Variants in GNPTAB observed in about 807,000 individuals in gnomAD.
GNPTAB encodes the protein N-acetylglucosamine-1-phosphotransferase subunits alpha/beta.
Under a neutral mutation model 136.6 loss-of-function variants are expected in GNPTAB, and 92 were observed. The ratio of observed to expected loss-of-function variants is 0.67; its 90% CI spans 0.57 to 0.80. The LOEUF (loss-of-function observed/expected upper bound fraction) is 0.80. Among genes scored for constraint, GNPTAB ranks in the 30% least tolerant of loss-of-function variants. The pLI, the probability that GNPTAB is intolerant of heterozygous loss-of-function variation, is 0.00. For missense variants in GNPTAB, 1,343 were observed against 1,501.8 expected, an observed-to-expected ratio of 0.89 and a Z score of 1.75; for synonymous variants, 512 against 535.1, an observed-to-expected ratio of 0.96 and a Z score of 0.60.
Position 101,786,047 on chromosome 12 carries a change from T to C in GNPTAB, c.536A>G (p.Asn179Ser). Residue 179 changes from asparagine (N) to serine (S), a missense_variant, in exon 5 of 21, where the codon AAT becomes AGT. Coordinates refer to ENST00000299314, the MANE Select transcript of GNPTAB (RefSeq NM_024312.5). Reference protein sequence around the residue: ...NVAKPKNPSTNVSVVVFDSTK... With the variant: ...NVAKPKNPSTSVSVVVFDSTK... ...ACTGTCAAAAACAACAACTGAGACATTGGTAGAAGGGTTTTTTGGTTTTGC... is the reference window on the plus strand; with the variant it reads ...ACTGTCAAAAACAACAACTGAGACACTGGTAGAAGGGTTTTTTGGTTTTGC... 3 of 1,613,824 alleles carry C rather than the reference T, an allele frequency of 1.9e-6. No homozygotes were observed. Among genetic ancestry groups the C allele is most frequent in the Non-Finnish European group, 1.7e-6 (2 of 1,179,742 alleles).
intron 9 of GNPTAB, 28 bp downstream of exon 9, chr12:101,770,378 G>A (rs762293414): frequency 2.0e-6 from 3 of 1,534,192 alleles, no homozygotes; most frequent in Non-Finnish European, 2.7e-6. Context: ...AGAAATCACA[G>A]TCTTGTAATT....
Position 101,753,471 on chromosome 12 carries a change from A to C in GNPTAB, c.3503T>G (p.Leu1168Arg). The C allele has an allele frequency of 3.7e-6, 6 of 1,612,116 alleles. No homozygotes were observed. Among genetic ancestry groups the C allele is most frequent in the Non-Finnish European group, 5.1e-6 (6 of 1,178,336 alleles). Reference sequence around the variant, plus strand: ...GAACATGGATTCATAGAAGTCCCTGAGAACAGCCTTCACTGTCTGAGCATC... The same window carrying C: ...GAACATGGATTCATAGAAGTCCCTGCGAACAGCCTTCACTGTCTGAGCATC... ...HKDAQTVKAV[L>R]RDFYESMFPI... The change falls in exon 19 of 21, where the codon CTC (leucine) becomes CGC (arginine). Residue 1168 changes from leucine (L) to arginine (R), a missense_variant. By Grantham distance (102) the Leu-to-Arg change is moderately radical. Coordinates refer to ENST00000299314, the MANE Select transcript of GNPTAB (RefSeq NM_024312.5).
chr12:101,767,368 T>G (rs1023947489), intron 11 of GNPTAB, among the ~76,000 whole-genome samples: 1 of 152,128 alleles, frequency 6.6e-6, no homozygotes, highest in African/African-American at 2.4e-5. Flanking sequence ...GGAGAGAAAA[T>G]ACTTATTTCT....
chr12:101,806,820 G>A (rs1869957930), intron 1 of GNPTAB, among the ~76,000 whole-genome samples: 1 of 151,828 alleles, frequency 6.6e-6, no homozygotes, highest in African/African-American at 2.4e-5. Context: ...AGACCCAGAT[G>A]GCTTCACTGG....
chr12:101,785,939 A>C, intron 5 of GNPTAB, 73 bp downstream of exon 5: 1 of 1,103,402 alleles, frequency 9.1e-7, no homozygotes, highest in Non-Finnish European at 1.4e-6. Flanking sequence ...AATCATTTCT[A>C]TTCCACTCAG....
chr12:101,793,376 A>G (rs1345093191), intron 2 of GNPTAB, among the ~76,000 whole-genome samples: 1 of 152,222 alleles, frequency 6.6e-6, no homozygotes, highest in East Asian at 1.9e-4. Flanking sequence ...ATTACATCTT[A>G]AGCTTTCCTG....
At chr12:101,775,375 T>TG (rs955780020) in intron 7 of GNPTAB, among the ~76,000 whole-genome samples, 1 of 151,724 alleles carries the variant, frequency 6.6e-6, no homozygotes. Flanking sequence ...CTTTTTTTTT[T>TG]TTTGAGACGG....
At chr12:101,764,070 C>T in intron 13 of GNPTAB, 132 bp downstream of exon 13, 3 of 1,156,414 alleles carry the variant, frequency 2.6e-6, no homozygotes, top group South Asian at 2.8e-5. Context: ...TTAAATGAAA[C>T]CATGTAAGAA....
chr12:101,810,544 T>C (rs188167476), intron 1 of GNPTAB: 16 of 151,700 alleles, frequency 1.1e-4, no homozygotes, highest in Admixed American at 1.1e-3. Flanking sequence ...GACCTTTCCA[T>C]ATTTAGACAG....
At position 101,765,326 on chromosome 12, in the gene GNPTAB, T is replaced by C. The variant is rs1395846755; in HGVS notation, c.1613-22A>G. On this transcript the variant is annotated intron_variant, in intron 12 of 20. Transcript: ENST00000299314. Reference sequence around the variant, plus strand: ...TGATCTAGAGGAAAAAACAGAAACATGATTTTTTTTTTAACTGGGCATTTT... The same window carrying C: ...TGATCTAGAGGAAAAAACAGAAACACGATTTTTTTTTTAACTGGGCATTTT... The C allele has an allele frequency of 3.3e-6, 5 of 1,531,444 alleles. No individual in the cohort carries two copies. In the East Asian group the frequency reaches 1.1e-4, roughly 34 times the overall value. The allele number at this position is 1,531,444 out of a possible 1,614,324, so 94.9% of individuals were successfully genotyped here.
At chr12:101,830,004 C>CAAAAAAAAAAAAAAAAAAAAAAAAA (rs35884808) in intron 1 of GNPTAB, among the ~76,000 whole-genome samples, 2 of 106,142 alleles carry the variant, frequency 1.9e-5, no homozygotes, top group Non-Finnish European at 2.0e-5. Flanking sequence ...AACCTCCTAC[C>CAAAAAAAAAAAAAAAAAAAAAAAAA]AAAAAAAAAA....
At chr12:101,784,069 T>C (rs1868494000) in intron 5 of GNPTAB, among the ~76,000 whole-genome samples, 1 of 152,126 alleles carries the variant, frequency 6.6e-6, no homozygotes, top group Non-Finnish European at 1.5e-5. Context: ...TGTTAGACAC[T>C]GATCAGGATA....
chr12:101,753,800 A>G (rs887587519), intron 18 of GNPTAB, among the ~76,000 whole-genome samples: 2 of 152,218 alleles, frequency 1.3e-5, no homozygotes, highest in Non-Finnish European at 2.9e-5. Context: ...AGTGTCCTGA[A>G]TTAATTGTTC....
At chr12:101,777,954 G>A (rs962531895) in intron 7 of GNPTAB, among the ~76,000 whole-genome samples, 2 of 152,200 alleles carry the variant, frequency 1.3e-5, no homozygotes, top group African/African-American at 2.4e-5. Context: ...GCTCTGAGAG[G>A]TGTTGGCCTC....
chr12:101,792,984 G>C (rs1869077433), intron 2 of GNPTAB, among the ~76,000 whole-genome samples: 1 of 152,020 alleles, frequency 6.6e-6, no homozygotes, highest in South Asian at 2.1e-4. Flanking sequence ...GATGTTGCTG[G>C]TCCAGAAATT....
At chr12:101,788,743 A>G (rs1244897790) in intron 3 of GNPTAB, among the ~76,000 whole-genome samples, 154 bp from the exon 4 acceptor site, 2 of 152,260 alleles carry the variant, frequency 1.3e-5, no homozygotes, top group Non-Finnish European at 2.9e-5. Context: ...GGAAAGTCAT[A>G]TAACCTCTAA....
At chr12:101,754,772 GC>G (rs1364307531) in intron 18 of GNPTAB, among the ~76,000 whole-genome samples, 1 of 151,660 alleles carries the variant, frequency 6.6e-6, no homozygotes, top group Non-Finnish European at 1.5e-5. Context: ...ACCTGATAAA[GC>G]CTTCAGATCC....
At chr12:101,810,971 T>C (rs575436147) in intron 1 of GNPTAB, among the ~76,000 whole-genome samples, 1 of 152,298 alleles carries the variant, frequency 6.6e-6, no homozygotes, top group African/African-American at 2.4e-5. Flanking sequence ...AGACGGTGAC[T>C]GCAGCAGTTC....
At chr12:101,818,440 C>T (rs902526948) in intron 1 of GNPTAB, among the ~76,000 whole-genome samples, 16 of 150,378 alleles carry the variant, frequency 1.1e-4, no homozygotes, top group African/African-American at 3.7e-4. Context: ...TCCAGTAGCA[C>T]GATCTCGGCT....
Sources: gnomAD v4.1 joint callset for allele counts (sites outside exome capture counted in the v4.1 genomes callset) on GRCh38, gnomAD v4.1.1 for gene constraint, MANE v1.5 for transcripts, NCBI Gene and HGNC (gene_info 2026-07-23, HGNC 2026-07-21) for gene names.